The following ALB variants were observed in gnomAD, a reference collection of about 807,000 sequenced individuals.
ALB encodes albumin.
In ALB, 37 loss-of-function variants were observed where a neutral mutation model predicts 74.5. The ratio of observed to expected loss-of-function variants is 0.50; its 90% CI spans 0.38 to 0.65. The LOEUF is 0.65. Among genes scored for constraint, ALB ranks in the 30% least tolerant of loss-of-function variants. The probability of loss-of-function intolerance (pLI) is 0.00; values close to 1 mark genes in which losing one functional copy is unlikely to be tolerated. For missense variants in ALB, 685 were observed against 718.7 expected, an observed-to-expected ratio of 0.95 and a Z score of 0.54; for synonymous variants, 249 against 251.6, an observed-to-expected ratio of 0.99 and a Z score of 0.10.
In ALB at chr4:73,417,431, T is replaced by A. The variant is rs1022907344; in HGVS notation, c.1290-100T>A. 3.5e-6 allele frequency: 5 copies of A among 1,424,140 alleles called. No homozygotes were observed. The South Asian group carries it at 5.8e-5, about 16-fold the overall frequency. 88.2% of individuals were successfully genotyped at this position (1,424,140 alleles called of 1,614,324 possible). A position where few individuals can be genotyped will look rare whatever the true frequency, so the allele number is the denominator to read the frequency against. On this transcript the variant is annotated intron_variant, in intron 10 of 14. Coordinates refer to ENST00000295897, the MANE Select transcript of ALB (RefSeq NM_000477.7). ...TGGAGATAATATGATGAATGGAACA[T>A]AGCAACATCTTAGTTGATTCCGGCC... is the stretch of plus-strand genomic sequence containing the variant.
In ALB at chr4:73,418,133, C is replaced by G; in HGVS notation, c.1474C>G (p.Pro492Ala). ...GTTATGTGTGTTGCATGAGAAAACG[C>G]CAGTAAGTGACAGAGTCACCAAATG... is the stretch of plus-strand genomic sequence containing the variant. ...NQLCVLHEKT[P>A]VSDRVTKCCT... The change falls in exon 12 of 15, where the codon CCA (proline) becomes GCA (alanine). Residue 492 changes from proline to alanine, a missense_variant. Coordinates refer to ENST00000295897, the MANE Select transcript of ALB (RefSeq NM_000477.7). 1 of 1,614,142 alleles carries G rather than the reference C, an allele frequency of 6.2e-7. No individual in the cohort carries two copies. The highest frequency in any genetic ancestry group is 8.5e-7 in the Non-Finnish European group (1 of 1,180,020).
Position 73,421,345 on chromosome 4 carries a change from A to G in ALB, c.*277A>G. 1 of 365,558 alleles carries G rather than the reference A, an allele frequency of 2.7e-6. No individual in the cohort carries two copies. Among genetic ancestry groups the G allele is most frequent in the Non-Finnish European group, 4.9e-6 (1 of 204,462 alleles). 22.6% of individuals were successfully genotyped at this position (365,558 alleles called of 1,614,324 possible). ...TGTGGAAGTTCCAGTGTTCTCTCTT[A>G]TTCCACTTCGGTAGAGGATTTCTAG... On this transcript the variant is annotated 3_prime_UTR_variant, in exon 15 of 15. Coordinates refer to ENST00000295897, the MANE Select transcript of ALB (RefSeq NM_000477.7).
chr4:73,406,804 G>A (rs1289180894), intron 3 of ALB, 43 bp downstream of exon 3: 1 of 1,610,068 alleles, frequency 6.2e-7, no homozygotes, highest in South Asian at 1.1e-5. Context: ...TCTGTTTGAA[G>A]TAATCCCAAG....
At position 73,415,099 on chromosome 4, in the gene ALB, A is replaced by C; in HGVS notation, c.1123A>C (p.Lys375Gln). 1.9e-6 allele frequency: 3 copies of C among 1,614,168 alleles called. No homozygotes were observed. In the South Asian group the frequency reaches 3.3e-5, roughly 18 times the overall value. ...TGTCGTGCTGCTGCTGAGACTTGCC[A>C]AGACATATGAAACCACTCTAGAGAA... ...YSVVLLLRLA[K>Q]TYETTLEKCC... is the part of the protein sequence containing the mutation. The change falls in exon 9 of 15, where the codon AAG (lysine) becomes CAG (glutamine). Residue 375 changes from lysine (K) to glutamine (Q), a missense_variant. Transcript: ENST00000295897.
At chr4:73,417,378 A>G (rs564902227) in intron 10 of ALB, among the ~76,000 whole-genome samples, 153 bp from the exon 11 acceptor site, 6 of 152,334 alleles carry the variant, frequency 3.9e-5, no homozygotes, top group South Asian at 4.1e-4. Flanking sequence ...AATGTTTTCT[A>G]CCCTCCACTA....
rs200002649 is a variant in ALB, at chr4:73,418,185, G to A, written c.1526G>A (p.Arg509Gln). ...KCCTESLVNR[R>Q]PCFSALEVDE... ...TGCACAGAATCCTTGGTGAACAGGCGACCATGCTTTTCAGCTCTGGAAGTC... is the reference window on the plus strand; with the variant it reads ...TGCACAGAATCCTTGGTGAACAGGCAACCATGCTTTTCAGCTCTGGAAGTC... Residue 509 changes from arginine to glutamine, a missense_variant, in exon 12 of 15, where the codon CGA becomes CAA. Transcript: ENST00000295897. The A allele has an allele frequency of 4.6e-5, 75 of 1,614,006 alleles. No individual in the cohort carries two copies. The highest frequency in any genetic ancestry group is 6.7e-5 in the Admixed American group (4 of 59,984).
In ALB at chr4:73,409,572, G is replaced by A; in HGVS notation, c.615+85G>A. On this transcript the variant is annotated intron_variant, in intron 5 of 14. Transcript: ENST00000295897. ...GTGGCTAGATTTAGGGAACCTGAGT[G>A]TCTGATACAAACTTTCCGACATGGT... The A allele has an allele frequency of 4.5e-6, 7 of 1,554,040 alleles. No homozygotes were observed. In the Admixed American group the frequency reaches 1.0e-4, roughly 23 times the overall value.
chr4:73,410,246 G>C, intron 5 of ALB, 66 bp from the exon 6 acceptor site: 2 of 1,250,988 alleles, frequency 1.6e-6, no homozygotes, highest in Non-Finnish European at 2.4e-6. Context: ...TCTCATCTGA[G>C]CTTATGGAGG....
At chr4:73,409,242 G>A (rs1577936420) in intron 4 of ALB, 113 bp from the exon 5 acceptor site, 4 of 1,163,376 alleles carry the variant, frequency 3.4e-6, no homozygotes, top group Non-Finnish European at 5.0e-6. Flanking sequence ...GAGCTTAATT[G>A]GTTAATTAGA....
intron 7 of ALB, chr4:73,412,332 G>T: frequency 3.2e-6 from 2 of 619,636 alleles, no homozygotes; most frequent in Non-Finnish European, 5.8e-6. Context: ...CCCATTCACT[G>T]ATTTGTAACT....
chr4:73,416,291 G>A lies in ALB; in HGVS notation c.1227G>A (p.Gln409=). ...DEFKPLVEEP[Q]NLIKQNCELF... ...TTAAACCTCTTGTGGAAGAGCCTCA[G>A]AATTTAATCAAACAAAATTGTGAGC... The change falls in exon 10 of 15, where the codon CAG becomes CAA. Residue 409 remains glutamine, a synonymous_variant. Transcript: ENST00000295897. 5 of 1,613,616 alleles carry A rather than the reference G, an allele frequency of 3.1e-6. No individual in the cohort carries two copies. The highest frequency in any genetic ancestry group is 4.2e-6 in the Non-Finnish European group (5 of 1,179,706).
At chr4:73,407,330 G>T (rs1054815241) in intron 3 of ALB, among the ~76,000 whole-genome samples, 2 of 152,098 alleles carry the variant, frequency 1.3e-5, no homozygotes, top group African/African-American at 4.8e-5. Flanking sequence ...GACTACTTTA[G>T]CTACCTTATA....
At chr4:73,404,709 T>C (rs1398297100) in intron 1 of ALB, among the ~76,000 whole-genome samples, 1 of 152,182 alleles carries the variant, frequency 6.6e-6, no homozygotes, top group Non-Finnish European at 1.5e-5. Context: ...AATTCATAAC[T>C]ATCCCAAAGA....
Position 73,417,688 on chromosome 4 carries a change from ATAATAAAT to A in ALB, c.1428+26_1428+33del. 6.5e-7 allele frequency: 1 copy of A among 1,537,364 alleles called. No individual in the cohort carries two copies. The highest frequency in any genetic ancestry group is 8.7e-7 in the Non-Finnish European group (1 of 1,144,052). On this transcript the variant is annotated intron_variant, in intron 11 of 14. Transcript: ENST00000295897. ...AGACTATGTGAGTCTTTAAAAAAATATAATAAATTAATAATGAAAAAATTTTACCTTTA... is the reference window on the plus strand; with the variant it reads ...AGACTATGTGAGTCTTTAAAAAAATATAATAATGAAAAAATTTTACCTTTA...
chr4:73,409,400 G>A lies in ALB; in HGVS notation c.528G>A (p.Pro176=), dbSNP rs139002023. The A allele has an allele frequency of 2.2e-5, 35 of 1,613,824 alleles. No individual in the cohort carries two copies. The African/African-American group carries it at 2.5e-4, about 12-fold the overall frequency. The change falls in exon 5 of 15, where the codon CCG becomes CCA. Residue 176 remains proline (P), a synonymous_variant. Transcript: ENST00000295897. ...GAAGACATCCTTACTTTTATGCCCCGGAACTCCTTTTCTTTGCTAAAAGGT... is the reference window on the plus strand; with the variant it reads ...GAAGACATCCTTACTTTTATGCCCCAGAACTCCTTTTCTTTGCTAAAAGGT... ...IARRHPYFYA[P]ELLFFAKRYK... is the part of the protein sequence containing the mutation.
Position 73,415,183 on chromosome 4 carries a change from G to C in ALB, c.1191+16G>C, listed in dbSNP as rs562408463. 6.2e-7 allele frequency: 1 copy of C among 1,613,544 alleles called. No individual in the cohort carries two copies. The highest frequency in any genetic ancestry group is 2.2e-5 in the East Asian group (1 of 44,854). ...TGCCAAAGTGGTAGGTTTATTGTTG[G>C]AAAAAAATGTAGTTCTTTGACTGAT... is the stretch of plus-strand genomic sequence containing the variant. On this transcript the variant is annotated intron_variant, in intron 9 of 14. Transcript: ENST00000295897.
chr4:73,409,546 T>A (rs1430169145), intron 5 of ALB, 59 bp downstream of exon 5: 1 of 1,611,124 alleles, frequency 6.2e-7, no homozygotes, highest in African/African-American at 1.3e-5. Flanking sequence ...TTGTCCATTT[T>A]GTGGCTAGAT....
chr4:73,413,620 T>A lies in ALB; in HGVS notation c.1044T>A (p.Asp348Glu), dbSNP rs757842114. The A allele has an allele frequency of 2.7e-5, 44 of 1,613,962 alleles. No homozygotes were observed. Among genetic ancestry groups the A allele is most frequent in the Non-Finnish European group, 3.6e-5 (42 of 1,179,952 alleles). ...GCAAAAACTATGCTGAGGCAAAGGA[T>A]GTCTTCCTGGGCATGTAAGTAGATA... is the stretch of plus-strand genomic sequence containing the variant. ...DVCKNYAEAK[D>E]VFLGMFLYEY... The change falls in exon 8 of 15, where the codon GAT (aspartate) becomes GAA (glutamate). Residue 348 changes from aspartate (D) to glutamate (E), a missense_variant. Transcript: ENST00000295897.
intron 4 of ALB, 178 bp from the exon 5 acceptor site, chr4:73,409,177 C>T (rs2149327580): frequency 1.5e-6 from 1 of 673,820 alleles, no homozygotes; most frequent in Non-Finnish European, 2.5e-6. Context: ...ACACACTTAA[C>T]CCTTTTTTCC....
Sources: allele counts gnomAD v4.1 joint callset (sites outside exome capture counted in the v4.1 genomes callset), GRCh38; gene constraint gnomAD v4.1.1; transcripts MANE v1.5; gene names NCBI Gene and HGNC (gene_info 2026-07-23, HGNC 2026-07-21).